The following ANO6 variants were observed in gnomAD, a reference collection of about 807,000 sequenced individuals.
ANO6 encodes the protein anoctamin-6.
ANO6 carries 106 observed loss-of-function variants against 117.5 expected under a neutral mutation model. The ratio of observed to expected loss-of-function variants is 0.90; its 90% CI spans 0.77 to 1.06. ANO6 has a LOEUF of 1.06. Ranked by LOEUF, ANO6 falls within the 50% of genes least tolerant of loss-of-function variation. ANO6 has a pLI of 0.00. For synonymous variants in ANO6, 367 were observed against 385.1 expected, an observed-to-expected ratio of 0.95 and a Z score of 0.55; for missense variants, 955 against 1,121.1, an observed-to-expected ratio of 0.85 and a Z score of 2.12.
chr12:45,354,469 A>ACAGGAAATG (rs1230064484), intron 7 of ANO6, among the ~76,000 whole-genome samples: 2 of 152,080 alleles, frequency 1.3e-5, no homozygotes, highest in Admixed American at 6.6e-5. Flanking sequence ...GAGTTAGTAA[A>ACAGGAAATG]CAGGAAATGC....
intron 12 of ANO6, among the ~76,000 whole-genome samples, chr12:45,401,000 C>G (rs368492378): frequency 1.2e-4 from 18 of 152,168 alleles, no homozygotes; most frequent in Admixed American, 3.3e-4. Flanking sequence ...GAGAAATCTG[C>G]TTACTGAGAA....
chr12:45,400,175 A>G (rs1458072494), intron 12 of ANO6, among the ~76,000 whole-genome samples: 1 of 152,226 alleles, frequency 6.6e-6, no homozygotes, highest in Non-Finnish European at 1.5e-5. Flanking sequence ...ATAATATTAT[A>G]CTACCTTCCT....
chr12:45,218,270 A>G (rs1472356463), intron 1 of ANO6, among the ~76,000 whole-genome samples: 1 of 152,058 alleles, frequency 6.6e-6, no homozygotes, highest in African/African-American at 2.4e-5. Context: ...ATTTTACGTC[A>G]AGCAGCAGGT....
intron 2 of ANO6, among the ~76,000 whole-genome samples, chr12:45,328,820 G>A (rs556435492): frequency 6.6e-6 from 1 of 152,086 alleles, no homozygotes; most frequent in East Asian, 1.9e-4. Context: ...ATTGTAGAGA[G>A]CCCCATGTTT....
At chr12:45,424,023 C>G (rs1020336420) in intron 19 of ANO6, among the ~76,000 whole-genome samples, 1 of 142,146 alleles carries the variant, frequency 7.0e-6, no homozygotes, top group Non-Finnish European at 1.5e-5. Flanking sequence ...TATACTAGTT[C>G]TTTTTTTTTT....
intron 2 of ANO6, among the ~76,000 whole-genome samples, chr12:45,322,537 G>A (rs768026198): frequency 1.3e-5 from 2 of 152,168 alleles, no homozygotes; most frequent in African/African-American, 2.4e-5. Context: ...CCCCTTCTGT[G>A]ACTTGCTGAG....
At chr12:45,422,171 A>G (rs1943381942) in intron 18 of ANO6, among the ~76,000 whole-genome samples, 2 of 152,210 alleles carry the variant, frequency 1.3e-5, no homozygotes, top group South Asian at 2.1e-4. Context: ...GAGATGTCCT[A>G]CCTGAGGAAG....
At chr12:45,251,796 G>A (rs1406046366) in intron 1 of ANO6, among the ~76,000 whole-genome samples, 1 of 152,172 alleles carries the variant, frequency 6.6e-6, no homozygotes, top group Non-Finnish European at 1.5e-5. Flanking sequence ...ACTGTGTGTG[G>A]TAGAGTTTGT....
chr12:45,334,948 A>G (rs548652270), intron 3 of ANO6, among the ~76,000 whole-genome samples: 2 of 152,100 alleles, frequency 1.3e-5, no homozygotes, highest in East Asian at 3.9e-4. Context: ...CTTGCCTTCA[A>G]ACCGATGTGT....
intron 10 of ANO6, among the ~76,000 whole-genome samples, chr12:45,380,714 C>T (rs764188478): frequency 3.9e-5 from 6 of 152,200 alleles, no homozygotes; most frequent in Non-Finnish European, 7.3e-5. Flanking sequence ...TGGCTCACGC[C>T]TGCAATCCCA....
At chr12:45,370,442 T>C (rs983568535) in intron 9 of ANO6, among the ~76,000 whole-genome samples, 2 of 152,224 alleles carry the variant, frequency 1.3e-5, no homozygotes, top group Admixed American at 6.5e-5. Context: ...GACAGATGTG[T>C]TTCCATTGAC....
At chr12:45,327,427 T>C (rs1348270939) in intron 2 of ANO6, among the ~76,000 whole-genome samples, 2 of 152,180 alleles carry the variant, frequency 1.3e-5, no homozygotes, top group African/African-American at 4.8e-5. Context: ...TAAAATCTGC[T>C]TCTGGAATTT....
intron 17 of ANO6, among the ~76,000 whole-genome samples, chr12:45,417,958 ATT>A (rs1025963389): frequency 6.6e-6 from 1 of 152,172 alleles, no homozygotes; most frequent in African/African-American, 2.4e-5. Context: ...CCAGAGCCCT[ATT>A]TTATTATTTG....
At chr12:45,403,690 C>A (rs1942859434) in intron 15 of ANO6, among the ~76,000 whole-genome samples, 154 bp downstream of exon 15, 2 of 152,188 alleles carry the variant, frequency 1.3e-5, no homozygotes, top group Non-Finnish European at 2.9e-5. Context: ...CTCCAGACAA[C>A]ATAGTCCAAC....
Position 45,270,167 on chromosome 12 carries a change from T to C in ANO6, c.71-31847T>C, listed in dbSNP as rs530929987. 3.5e-4 allele frequency among the ~76,000 whole-genome samples: 53 copies of C among 152,316 alleles called. 1 individual carries two copies. In the South Asian group the frequency reaches 0.011, roughly 32 times the overall value. On this transcript the variant is annotated intron_variant, in intron 1 of 19. Coordinates refer to ENST00000320560, the MANE Select transcript of ANO6 (RefSeq NM_001025356.3). ...AGATTAGCATCATCTGGAGAGCTCA[T>C]GAAAGAAGCACTGAGGTCCCACCAC...
chr12:45,345,756 A>AT (rs139316811), intron 3 of ANO6, among the ~76,000 whole-genome samples: 2,287 of 152,266 alleles, frequency 0.015, 54 homozygotes, highest in African/African-American at 0.052. Flanking sequence ...TGAATAATAA[A>AT]TCAGATTTTG....
chr12:45,382,735 C>T (rs1026637062), intron 10 of ANO6, among the ~76,000 whole-genome samples: 29 of 152,170 alleles, frequency 1.9e-4, no homozygotes, highest in African/African-American at 7.0e-4. Flanking sequence ...ATACTATAGT[C>T]TAGTGAGTGT....
chr12:45,357,229 TAG>T (rs1941433727), intron 7 of ANO6, 59 bp from the exon 8 acceptor site: 2 of 1,566,002 alleles, frequency 1.3e-6, no homozygotes, highest in East Asian at 4.5e-5. Context: ...AAATTAATAT[TAG>T]GATGAAGCTA....
chr12:45,289,944 A>G (rs1295207558), intron 1 of ANO6, among the ~76,000 whole-genome samples: 3 of 152,170 alleles, frequency 2.0e-5, no homozygotes, highest in Admixed American at 6.5e-5. Flanking sequence ...TGCTGAAAAA[A>G]ATTTTTTTGG....
Sources: gnomAD v4.1 joint callset for allele counts (sites outside exome capture counted in the v4.1 genomes callset) on GRCh38, gnomAD v4.1.1 for gene constraint, MANE v1.5 for transcripts, NCBI Gene and HGNC (gene_info 2026-07-23, HGNC 2026-07-21) for gene names.